The following COL4A6 variants were observed in gnomAD, a reference collection of about 807,000 sequenced individuals.
COL4A6 encodes collagen alpha-6(IV) chain.
A neutral mutation model predicts 126.7 loss-of-function variants in COL4A6; 59 were observed. The ratio of observed to expected loss-of-function variants is 0.47; its 90% CI spans 0.38 to 0.58. The LOEUF (loss-of-function observed/expected upper bound fraction) is 0.58. COL4A6 is among the 20% of genes least tolerant of loss of function. The pLI is 0.00. For synonymous variants in COL4A6, 547 were observed against 496.6 expected (o/e 1.10, Z -1.35); for missense variants, 1,285 against 1,337.3 (o/e 0.96, Z 0.61).
intron 3 of COL4A6, among the ~76,000 whole-genome samples, chrX:108,270,173 G>A (rs1162877788): frequency 2.7e-5 from 3 of 112,103 alleles, no homozygotes; most frequent in African/African-American, 9.7e-5. Flanking sequence ...AATGGAAACT[G>A]TCATACCTGC....
chrX:108,377,683 C>G (rs371619969), intron 2 of COL4A6, among the ~76,000 whole-genome samples: 13 of 108,149 alleles, frequency 1.2e-4, no homozygotes, highest in African/African-American at 4.0e-4. Context: ...GTAATCCCAG[C>G]ATTTGGGAGG....
At chrX:108,233,545 G>T (rs1380756074) in intron 3 of COL4A6, among the ~76,000 whole-genome samples, 1 of 111,928 alleles carries the variant, frequency 8.9e-6, no homozygotes, top group Admixed American at 9.4e-5. Flanking sequence ...AGATGGAAGG[G>T]CAAGGAAGAG....
chrX:108,323,479 A>T (rs1485615670), intron 2 of COL4A6, among the ~76,000 whole-genome samples: 1 of 111,630 alleles, frequency 9.0e-6, no homozygotes, highest in Non-Finnish European at 1.9e-5. Flanking sequence ...ATAGCTCCCC[A>T]TTACCCACAA....
rs898194160 is a variant in COL4A6, at chrX:108,170,978, T to C, written c.3278-61A>G. ...ATATTTCTAGCAGTGTATTCCTCTA[T>C]GGGAAAGAGTAGATTCTGAATTGCT... is the stretch of plus-strand genomic sequence containing the variant. On this transcript the variant is annotated intron_variant, in intron 33 of 44. Transcript: ENST00000334504. The C allele has an allele frequency of 4.1e-6, 4 of 983,029 alleles. No homozygotes were observed. The African/African-American group carries it at 5.7e-5, about 14-fold the overall frequency. 81.0% of individuals were successfully genotyped at this position (983,029 alleles called of 1,213,427 possible). A position where few individuals can be genotyped will look rare whatever the true frequency, so the allele number is the denominator to read the frequency against.
chrX:108,288,660 T>A (rs771613432), intron 3 of COL4A6, among the ~76,000 whole-genome samples: 3 of 111,213 alleles, frequency 2.7e-5, no homozygotes, highest in African/African-American at 6.5e-5. Flanking sequence ...TCTTTTTTTT[T>A]TCATTTAATT....
chrX:108,398,298 C>T (rs2041008105), intron 2 of COL4A6, among the ~76,000 whole-genome samples: 1 of 111,992 alleles, frequency 8.9e-6, no homozygotes, highest in Non-Finnish European at 1.9e-5. Flanking sequence ...AAGAATCAAA[C>T]TCAGAAATCT....
intron 2 of COL4A6, among the ~76,000 whole-genome samples, chrX:108,415,471 G>A (rs1305701683): frequency 1.8e-5 from 2 of 112,087 alleles, no homozygotes; most frequent in Admixed American, 9.5e-5. Flanking sequence ...TTTGTAAATG[G>A]TTATTTTATC....
intron 11 of COL4A6, among the ~76,000 whole-genome samples, chrX:108,205,023 AG>A (rs2035504609): frequency 9.1e-6 from 1 of 109,443 alleles, no homozygotes; most frequent in Non-Finnish European, 1.9e-5. Context: ...GAGGACAAAA[AG>A]GAAAAGGAGG....
chrX:108,290,004 C>T (rs915989125), intron 3 of COL4A6, among the ~76,000 whole-genome samples: 4 of 111,872 alleles, frequency 3.6e-5, no homozygotes, highest in Non-Finnish European at 7.5e-5. Flanking sequence ...TCTCCCAGAG[C>T]CAGTGGTTAA....
intron 2 of COL4A6, among the ~76,000 whole-genome samples, chrX:108,312,042 T>TG (rs1408111438): frequency 8.9e-6 from 1 of 112,184 alleles, no homozygotes; most frequent in Non-Finnish European, 1.9e-5. Context: ...ATATCCACCT[T>TG]GGGAAAAAAG....
intron 2 of COL4A6, among the ~76,000 whole-genome samples, chrX:108,352,402 T>G (rs1475023162): frequency 8.9e-6 from 1 of 112,624 alleles, no homozygotes; most frequent in Non-Finnish European, 1.9e-5. Context: ...GTGACAAATC[T>G]TTGATGAAGG....
intron 32 of COL4A6, 67 bp from the exon 33 acceptor site, chrX:108,171,528 C>A: frequency 1.1e-6 from 1 of 911,659 alleles, no homozygotes; most frequent in Non-Finnish European, 1.6e-6. Context: ...CCACTGAGAT[C>A]TTTTGAACAC....
intron 2 of COL4A6, among the ~76,000 whole-genome samples, chrX:108,340,160 G>C (rs1408029889): frequency 9.0e-6 from 1 of 111,156 alleles, no homozygotes; most frequent in African/African-American, 3.3e-5. Flanking sequence ...TTATTCTCCA[G>C]GGCAGCATTG....
intron 2 of COL4A6, among the ~76,000 whole-genome samples, chrX:108,325,808 GA>G (rs371208045): frequency 0.018 from 1,376 of 74,464 alleles, 14 homozygotes; most frequent in East Asian, 0.061. Flanking sequence ...AGACCAAAAA[GA>G]AAAAAAAAAA....
intron 37 of COL4A6, 38 bp from the exon 38 acceptor site, chrX:108,165,524 T>G (rs780136936): frequency 2.1e-6 from 2 of 975,592 alleles, no homozygotes; most frequent in Admixed American, 3.2e-5. Flanking sequence ...ATAGGCTCTG[T>G]GTGCCCAGAA....
At chrX:108,311,917 C>A (rs781280905) in intron 2 of COL4A6, among the ~76,000 whole-genome samples, 45 of 111,819 alleles carry the variant, frequency 4.0e-4, no homozygotes, top group Admixed American at 3.1e-3. Flanking sequence ...GAACTCGGGT[C>A]TGACTAACTC....
chrX:108,356,500 G>T (rs2039963881), intron 2 of COL4A6, among the ~76,000 whole-genome samples: 1 of 110,760 alleles, frequency 9.0e-6, no homozygotes, highest in Non-Finnish European at 1.9e-5. Context: ...CCAGTAGCTA[G>T]GCTCCTAGGA....
At chrX:108,344,475 A>T (rs918926634) in intron 2 of COL4A6, among the ~76,000 whole-genome samples, 1 of 111,981 alleles carries the variant, frequency 8.9e-6, no homozygotes, top group Non-Finnish European at 1.9e-5. Flanking sequence ...CATAAAAGAT[A>T]TGTGCTTAAG....
chrX:108,314,042 A>T, intron 2 of COL4A6, among the ~76,000 whole-genome samples: 1 of 112,073 alleles, frequency 8.9e-6, no homozygotes, highest in Non-Finnish European at 1.9e-5. Flanking sequence ...AATATGTAAA[A>T]TGTGGTTATG....
Sources: gnomAD v4.1 joint callset for allele counts (sites outside exome capture counted in the v4.1 genomes callset) on GRCh38, gnomAD v4.1.1 for gene constraint, MANE v1.5 for transcripts, NCBI Gene and HGNC (gene_info 2026-07-23, HGNC 2026-07-21) for gene names.